CORIN: variants seen among roughly 807,000 people sequenced by gnomAD.
CORIN encodes corin, serine peptidase, also known as atrial natriuretic peptide-converting enzyme.
Under a neutral mutation model 125.3 loss-of-function variants are expected in CORIN, and 117 were observed. That is an observed-to-expected ratio of 0.93 (90% CI 0.80 to 1.09). The LOEUF (loss-of-function observed/expected upper bound fraction) is 1.09. CORIN is among the 50% of genes least tolerant of loss of function. The pLI is 0.00. For synonymous variants in CORIN, 450 were observed against 466.4 expected (o/e 0.96, Z 0.45); for missense variants, 1,253 against 1,306.7 (o/e 0.96, Z 0.63).
chr4:47,680,295 C>T (rs1725213728), intron 7 of CORIN, 44 bp from the exon 8 acceptor site: 1 of 1,412,464 alleles, frequency 7.1e-7, no homozygotes, highest in Non-Finnish European at 1.0e-6. Context: ...ACCAGCATGA[C>T]TAACAGGCAG....
intron 5 of CORIN, among the ~76,000 whole-genome samples, chr4:47,719,853 C>T (rs777756821): frequency 6.6e-5 from 10 of 152,172 alleles, no homozygotes; most frequent in Non-Finnish European, 1.3e-4. Context: ...TTTCAGAAAA[C>T]ATTTTCAGAA....
At chr4:47,775,023 T>TAACA (rs1042952989) in intron 3 of CORIN, among the ~76,000 whole-genome samples, 1 of 152,158 alleles carries the variant, frequency 6.6e-6, no homozygotes, top group Non-Finnish European at 1.5e-5. Context: ...ATGGGCACAT[T>TAACA]AACAAGTGTA....
chr4:47,825,975 T>C (rs1732730297), intron 1 of CORIN, among the ~76,000 whole-genome samples: 3 of 152,160 alleles, frequency 2.0e-5, no homozygotes, highest in Admixed American at 2.0e-4. Flanking sequence ...AGTGCTAGGA[T>C]TACAGGTGTG....
intron 5 of CORIN, among the ~76,000 whole-genome samples, chr4:47,728,925 T>A (rs954645477): frequency 7.9e-5 from 12 of 152,208 alleles, no homozygotes; most frequent in Non-Finnish European, 1.8e-4. Flanking sequence ...AAAGAAAACC[T>A]CTATATTTCT....
rs767658082 is a variant in CORIN, at chr4:47,641,896, A to G, written c.2198+24T>C. ...CACAAAGCCTTCTGAGAAATTCATC[A>G]GTGCTACAAACTACTGACCTTACCC... is the stretch of plus-strand genomic sequence containing the variant. On this transcript the variant is annotated intron_variant, in intron 16 of 21. Coordinates refer to ENST00000273857, the MANE Select transcript of CORIN (RefSeq NM_006587.4). The G allele has an allele frequency of 3.1e-6, 5 of 1,606,142 alleles. No individual in the cohort carries two copies. In the East Asian group the frequency reaches 9.0e-5, roughly 29 times the overall value.
intron 19 of CORIN, among the ~76,000 whole-genome samples, chr4:47,622,425 A>T (rs1392828648): frequency 1.3e-4 from 19 of 149,466 alleles, no homozygotes; most frequent in African/African-American, 4.7e-4. Context: ...GAATCGCCAC[A>T]CTGACTTCCA....
intron 5 of CORIN, among the ~76,000 whole-genome samples, chr4:47,697,693 G>A (rs1726084002): frequency 6.6e-6 from 1 of 151,888 alleles, no homozygotes; most frequent in South Asian, 2.1e-4. Flanking sequence ...CTCCAGCCTA[G>A]GCAACAGAGG....
In CORIN at chr4:47,683,730, C is replaced by A; in HGVS notation, c.1021+1G>T. The A allele has an allele frequency of 6.2e-7, 1 of 1,604,162 alleles. No homozygotes were observed. The highest frequency in any genetic ancestry group is 8.5e-7 in the Non-Finnish European group (1 of 1,173,160). On this transcript the variant is annotated splice_donor_variant, in intron 7 of 21. Coordinates refer to ENST00000273857, the MANE Select transcript of CORIN (RefSeq NM_006587.4). LOFTEE classifies it high-confidence loss of function. The stretch of plus-strand genomic sequence containing the variant: ...ACCTTTGGGGAAACAATGCTACTTA[C>A]CACAGTTTTGCTCATCACTCAAATC...
At chr4:47,652,448 G>GTCATGAAAGTGTCAATTCTTCTTAA (rs1723774586) in intron 13 of CORIN, among the ~76,000 whole-genome samples, 1 of 152,222 alleles carries the variant, frequency 6.6e-6, no homozygotes, top group Non-Finnish European at 1.5e-5. Context: ...TTACGTGCTT[G>GTCATGAAAGTGTCAATTCTTCTTAA]TCATGAAAGT....
rs564144334 is a variant in CORIN, at chr4:47,642,320, G to A, written c.2069-271C>T. On this transcript the variant is annotated intron_variant, in intron 15 of 21. Coordinates refer to ENST00000273857, the MANE Select transcript of CORIN (RefSeq NM_006587.4). ...CTTAACTTTTCTTAATGAGTTAGAA[G>A]ACAGCCAGAGCCAGGCCTCATCCCA... 8.5e-5 allele frequency among the ~76,000 whole-genome samples: 13 copies of A among 152,296 alleles called. No homozygotes were observed. The South Asian group carries it at 2.5e-3, about 29-fold the overall frequency.
At chr4:47,657,377 C>CA (rs542903351) in intron 12 of CORIN, among the ~76,000 whole-genome samples, 186 of 151,004 alleles carry the variant, frequency 1.2e-3, no homozygotes, top group Admixed American at 2.0e-3. Flanking sequence ...ACTAAAAATA[C>CA]AAAAAAAATT....
At chr4:47,670,031 C>T (rs1012378007) in intron 10 of CORIN, among the ~76,000 whole-genome samples, 1 of 152,190 alleles carries the variant, frequency 6.6e-6, no homozygotes, top group African/African-American at 2.4e-5. Flanking sequence ...AGAACCCAGA[C>T]ATTTGACTTG....
chr4:47,670,306 G>T (rs897503081), intron 10 of CORIN, among the ~76,000 whole-genome samples: 19 of 152,256 alleles, frequency 1.2e-4, no homozygotes, highest in African/African-American at 4.3e-4. Context: ...TGGTAATATT[G>T]TATTCAATCT....
At chr4:47,755,305 G>A (rs531494295) in intron 4 of CORIN, among the ~76,000 whole-genome samples, 10 of 152,260 alleles carry the variant, frequency 6.6e-5, no homozygotes, top group African/African-American at 2.4e-4. Flanking sequence ...CACAGAAAAA[G>A]TATGCTCCCC....
chr4:47,824,310 GAAAA>G (rs199791671), intron 1 of CORIN, among the ~76,000 whole-genome samples: 114 of 139,042 alleles, frequency 8.2e-4, no homozygotes, highest in Middle Eastern at 7.5e-3. Context: ...AACAACAACA[GAAAA>G]AAAAAAAAAA....
Position 47,661,062 on chromosome 4 carries a change from G to C in CORIN, c.1735+649C>G, listed in dbSNP as rs1159521924. The stretch of plus-strand genomic sequence containing the variant: ...AAAAGAAGACGTCATTATGTTACCT[G>C]AAATAAGCCAGGCACAGAAATACAA... On this transcript the variant is annotated intron_variant, in intron 12 of 21. Coordinates refer to ENST00000273857, the MANE Select transcript of CORIN (RefSeq NM_006587.4). 2.0e-5 allele frequency among the ~76,000 whole-genome samples: 3 copies of C among 152,174 alleles called. No homozygotes were observed. The South Asian group carries it at 6.2e-4, about 32-fold the overall frequency.
intron 1 of CORIN, among the ~76,000 whole-genome samples, chr4:47,833,825 A>G (rs935915649): frequency 6.6e-5 from 10 of 152,316 alleles, no homozygotes; most frequent in Admixed American, 6.5e-4. Context: ...TCACCAATCA[A>G]CAGAGAATTA....
At chr4:47,602,699 G>C (rs1316525889) in intron 20 of CORIN, among the ~76,000 whole-genome samples, 1 of 152,168 alleles carries the variant, frequency 6.6e-6, no homozygotes, top group Non-Finnish European at 1.5e-5. Flanking sequence ...ATTCTGAAGT[G>C]TGGAGAGGGA....
At chr4:47,721,072 T>C (rs1006944814) in intron 5 of CORIN, among the ~76,000 whole-genome samples, 6 of 152,078 alleles carry the variant, frequency 3.9e-5, no homozygotes, top group African/African-American at 1.4e-4. Context: ...TTCTGGAAGG[T>C]GGAAGTCCAG....
Sources: gnomAD v4.1 joint callset for allele counts (sites outside exome capture counted in the v4.1 genomes callset) on GRCh38, gnomAD v4.1.1 for gene constraint, MANE v1.5 for transcripts, NCBI Gene and HGNC (gene_info 2026-07-23, HGNC 2026-07-21) for gene names.